The following SMC5 variants were observed in gnomAD, a reference collection of about 807,000 sequenced individuals.
The protein encoded by SMC5 is structural maintenance of chromosomes protein 5.
Under a neutral mutation model 148.3 loss-of-function variants are expected in SMC5, and 88 were observed. That is an observed-to-expected ratio of 0.59 (90% confidence interval 0.50 to 0.71). The LOEUF is 0.71. SMC5 is among the 30% of genes least tolerant of loss of function. The pLI is 0.00. For synonymous variants in SMC5, 421 were observed against 432.8 expected, an observed-to-expected ratio of 0.97 and a Z score of 0.34; for missense variants, 1,142 against 1,298.9, an observed-to-expected ratio of 0.88 and a Z score of 1.86.
chr9:70,331,426 A>G (rs1333292095), intron 17 of SMC5, among the ~76,000 whole-genome samples: 1 of 152,090 alleles, frequency 6.6e-6, no homozygotes, highest in African/African-American at 2.4e-5. Context: ...AAACAGGGAG[A>G]TTTGAATGCT....
chr9:70,260,406 CG>C (rs1467130391), intron 1 of SMC5, among the ~76,000 whole-genome samples: 7 of 152,056 alleles, frequency 4.6e-5, no homozygotes, highest in African/African-American at 1.4e-4. Context: ...CATGTCCGGC[CG>C]GAAGTCTTTT....
intron 6 of SMC5, among the ~76,000 whole-genome samples, chr9:70,282,039 G>GT (rs1554690662): frequency 0.044 from 5,258 of 120,346 alleles, 121 homozygotes; most frequent in Middle Eastern, 0.058. Context: ...TTTTCATTTT[G>GT]TTTTTTTTTT....
chr9:70,265,920 G>T (rs1395911502), intron 2 of SMC5, among the ~76,000 whole-genome samples: 1 of 152,122 alleles, frequency 6.6e-6, no homozygotes, highest in Non-Finnish European at 1.5e-5. Context: ...ATCATACTGG[G>T]AGAGCTATCA....
intron 9 of SMC5, 53 bp downstream of exon 9, chr9:70,298,274 G>A: frequency 6.5e-7 from 1 of 1,527,244 alleles, no homozygotes; most frequent in Non-Finnish European, 8.8e-7. Flanking sequence ...ATACATCTCT[G>A]TTGATGAACT....
chr9:70,351,862 G>A (rs981848536), intron 24 of SMC5, among the ~76,000 whole-genome samples: 1 of 152,104 alleles, frequency 6.6e-6, no homozygotes, highest in Non-Finnish European at 1.5e-5. Flanking sequence ...GATCACCTGA[G>A]GTCAGGAGTT....
At chr9:70,336,731 A>G (rs1045378013) in intron 17 of SMC5, among the ~76,000 whole-genome samples, 2 of 152,212 alleles carry the variant, frequency 1.3e-5, no homozygotes, top group African/African-American at 4.8e-5. Context: ...GTTGTTCCAT[A>G]TAGGAAATGT....
At chr9:70,323,344 A>G (rs2035995318) in intron 15 of SMC5, 139 bp from the exon 16 acceptor site, 1 of 712,184 alleles carries the variant, frequency 1.4e-6, no homozygotes, top group Non-Finnish European at 2.2e-6. Flanking sequence ...ACTTATATTG[A>G]TTGATCGGTT....
At position 70,318,968 on chromosome 9, in the gene SMC5, C is replaced by T. The variant is rs1183150577; in HGVS notation, c.2150+5C>T. On this transcript the variant is annotated splice_donor_5th_base_variant and intron_variant, in intron 15 of 24. Transcript: ENST00000361138. Reference sequence around the variant, plus strand: ...AATCAGTTCCAAACTAGGAAGGTATCTTTTAGCCTATTCAGGGGGGAGAGC... The same window carrying T: ...AATCAGTTCCAAACTAGGAAGGTATTTTTTAGCCTATTCAGGGGGGAGAGC... The T allele has an allele frequency of 1.2e-6, 2 of 1,602,076 alleles. No homozygotes were observed. Among genetic ancestry groups the T allele is most frequent in the East Asian group, 4.5e-5 (2 of 44,680 alleles).
intron 2 of SMC5, among the ~76,000 whole-genome samples, chr9:70,266,713 A>G (rs1164215436): frequency 6.6e-6 from 1 of 152,162 alleles, no homozygotes; most frequent in Non-Finnish European, 1.5e-5. Flanking sequence ...TATTTAATGT[A>G]TTTTTGTTTA....
chr9:70,346,263 C>T, intron 18 of SMC5: 1 of 233,534 alleles, frequency 4.3e-6, no homozygotes, highest in East Asian at 9.6e-5. Context: ...AGAGGTTGAA[C>T]TGCTTTCTAA....
intron 5 of SMC5, among the ~76,000 whole-genome samples, chr9:70,279,107 A>G (rs2034675892): frequency 6.6e-6 from 1 of 152,226 alleles, no homozygotes; most frequent in Admixed American, 6.5e-5. Context: ...TATTTTCACC[A>G]TTAATAAACA....
intron 9 of SMC5, among the ~76,000 whole-genome samples, chr9:70,299,473 T>A (rs192886237): frequency 1.2e-3 from 185 of 152,140 alleles, no homozygotes; most frequent in African/African-American, 4.0e-3. Flanking sequence ...TCCTGCATGG[T>A]TATCATTTGT....
At chr9:70,312,171 T>C (rs549473902) in intron 11 of SMC5, 2 of 145,522 alleles carry the variant, frequency 1.4e-5, no homozygotes, top group East Asian at 4.1e-4. Flanking sequence ...AGGTAATTTG[T>C]AAGCAAAAGA....
At chr9:70,273,597 G>A (rs573258325) in intron 3 of SMC5, among the ~76,000 whole-genome samples, 5 of 151,992 alleles carry the variant, frequency 3.3e-5, no homozygotes, top group South Asian at 2.1e-4. Flanking sequence ...AACAGTTAAC[G>A]TTAAAAATGT....
intron 8 of SMC5, among the ~76,000 whole-genome samples, chr9:70,292,344 C>T (rs2035085505): frequency 6.6e-6 from 1 of 152,082 alleles, no homozygotes; most frequent in Non-Finnish European, 1.5e-5. Flanking sequence ...TTATTTCTTT[C>T]ATTAGCATTA....
At chr9:70,341,518 C>T (rs1196657172) in intron 17 of SMC5, among the ~76,000 whole-genome samples, 1 of 152,138 alleles carries the variant, frequency 6.6e-6, no homozygotes, top group African/African-American at 2.4e-5. Context: ...GCTATAGGGA[C>T]TGAGGAATTT....
chr9:70,303,483 G>A (rs73647459), intron 10 of SMC5, among the ~76,000 whole-genome samples: 3 of 152,140 alleles, frequency 2.0e-5, no homozygotes, highest in East Asian at 1.9e-4. Context: ...TGTTCATAGC[G>A]TTTATGCCTG....
intron 15 of SMC5, among the ~76,000 whole-genome samples, chr9:70,319,349 C>T (rs2035890987): frequency 6.6e-6 from 1 of 152,046 alleles, no homozygotes; most frequent in African/African-American, 2.4e-5. Context: ...AAAATAAACC[C>T]ATTATGTGTT....
At chr9:70,300,657 A>G (rs994079921) in intron 10 of SMC5, among the ~76,000 whole-genome samples, 1 of 152,150 alleles carries the variant, frequency 6.6e-6, no homozygotes, top group African/African-American at 2.4e-5. Context: ...CCTTATTGAC[A>G]TCATAAAATT....
Sources: gnomAD v4.1 joint callset for allele counts (sites outside exome capture counted in the v4.1 genomes callset) on GRCh38, gnomAD v4.1.1 for gene constraint, MANE v1.5 for transcripts, NCBI Gene and HGNC (gene_info 2026-07-23, HGNC 2026-07-21) for gene names.